DERA: variants seen among roughly 807,000 people sequenced by gnomAD.
DERA encodes the protein deoxyribose-phosphate aldolase.
In DERA, 15 loss-of-function variants were observed where a neutral mutation model predicts 41.1. The observed-to-expected ratio is 0.37, with a 90% CI of 0.24 to 0.56. The LOEUF (loss-of-function observed/expected upper bound fraction) is 0.56, where lower values mean the gene tolerates loss of function less well. Ranked by LOEUF, DERA falls within the 20% of genes least tolerant of loss-of-function variation. The pLI, the probability that DERA is intolerant of heterozygous loss-of-function variation, is 0.81. For missense variants in DERA, 396 were observed against 403.4 expected (o/e 0.98, Z 0.16); for synonymous variants, 139 against 137.4 (o/e 1.01, Z -0.08).
chr12:15,988,726 C>T lies in DERA; in HGVS notation c.637+6290C>T, dbSNP rs1948782212. Among the ~76,000 whole-genome samples, 1 of 152,094 alleles carries T rather than the reference C, an allele frequency of 6.6e-6. No individual in the cohort carries two copies. The highest frequency in any genetic ancestry group is 1.5e-5 in the Non-Finnish European group (1 of 68,004). On this transcript the variant is annotated intron_variant, in intron 6 of 8. Coordinates refer to ENST00000428559, the MANE Select transcript of DERA (RefSeq NM_015954.4). This position sits in a 1 kb window ranked among gnomAD's most constrained non-coding sequence, Gnocchi z 6.0. ...TCCCTGGCATGAAGGTGGGGCTTCA[C>T]CAGGGACCCATCCCTTCCTGCCTAG...
At position 16,013,545 on chromosome 12, in the gene DERA, A is replaced by G. The variant is rs1326174032; in HGVS notation, c.638-18997A>G. ...TAAGTTTCCTGAGGCCTCCCCAGCC[A>G]TGCTGAACTGTGAGTCAGTTAAACT... On this transcript the variant is annotated intron_variant, in intron 6 of 8. Transcript: ENST00000428559. The surrounding 1 kb of genome is among the most constrained non-coding windows in gnomAD (Gnocchi z 5.8). Among the ~76,000 whole-genome samples, 3 of 152,236 alleles carry G rather than the reference A, an allele frequency of 2.0e-5. No homozygotes were observed. Among genetic ancestry groups the G allele is most frequent in the African/African-American group, 7.2e-5 (3 of 41,466 alleles).
rs990755945 is a variant in DERA, at chr12:15,988,545, A to T, written c.637+6109A>T. Among the ~76,000 whole-genome samples, 1 of 152,184 alleles carries T rather than the reference A, an allele frequency of 6.6e-6. No individual in the cohort carries two copies. Among genetic ancestry groups the T allele is most frequent in the African/African-American group, 2.4e-5 (1 of 41,450 alleles). On this transcript the variant is annotated intron_variant, in intron 6 of 8. Coordinates refer to ENST00000428559, the MANE Select transcript of DERA (RefSeq NM_015954.4). This position sits in a 1 kb window ranked among gnomAD's most constrained non-coding sequence, Gnocchi z 6.0. ...CTGAGTCTGAGGTTTTTATATGCTC[A>T]GAATGAAGGAAGTGCATGCTGATTG... is the stretch of plus-strand genomic sequence containing the variant.
chr12:16,000,561 C>T lies in DERA; in HGVS notation c.637+18125C>T, dbSNP rs1477335580. ...TATGCTTTTTGTAAAAAATTTATCA[C>T]CAACTGGGGCATTGAAAGTAAGTTT... On this transcript the variant is annotated intron_variant, in intron 6 of 8. Coordinates refer to ENST00000428559, the MANE Select transcript of DERA (RefSeq NM_015954.4). This position sits in a 1 kb window ranked among gnomAD's most constrained non-coding sequence, Gnocchi z 4.8. Among the ~76,000 whole-genome samples, 1 of 152,114 alleles carries T rather than the reference C, an allele frequency of 6.6e-6. No individual in the cohort carries two copies. Among genetic ancestry groups the T allele is most frequent in the African/African-American group, 2.4e-5 (1 of 41,418 alleles).
chr12:15,946,865 T>G (rs942370389), intron 1 of DERA, among the ~76,000 whole-genome samples: 1 of 152,224 alleles, frequency 6.6e-6, no homozygotes, highest in Non-Finnish European at 1.5e-5. Context: ...GGGCATTTAG[T>G]GCTATAAATT....
intron 6 of DERA, among the ~76,000 whole-genome samples, chr12:16,030,438 A>T (rs1162038825): frequency 6.6e-6 from 1 of 151,662 alleles, no homozygotes; most frequent in African/African-American, 2.4e-5. Context: ...CTTCTTTTTG[A>T]TTGTCTCATT....
At chr12:15,964,221 C>T (rs891716710) in intron 5 of DERA, among the ~76,000 whole-genome samples, 1 of 152,226 alleles carries the variant, frequency 6.6e-6, no homozygotes, top group East Asian at 1.9e-4. Context: ...TCTCACACAA[C>T]ACCTTTGTTT....
intron 6 of DERA, among the ~76,000 whole-genome samples, chr12:15,991,053 A>C (rs935595147): frequency 1.3e-5 from 2 of 152,138 alleles, no homozygotes; most frequent in Non-Finnish European, 2.9e-5. Flanking sequence ...ATGATGGCTG[A>C]ACTAATTTAC....
At chr12:16,005,679 C>A (rs1045387483) in intron 6 of DERA, among the ~76,000 whole-genome samples, 1 of 152,116 alleles carries the variant, frequency 6.6e-6, no homozygotes, top group Admixed American at 6.5e-5. Context: ...AAAGACCCTG[C>A]AAGTTTACAA....
At position 15,959,309 on chromosome 12, in the gene DERA, T is replaced by C. The variant is rs1948565688; in HGVS notation, c.278-520T>C. Among the ~76,000 whole-genome samples, 1 of 152,244 alleles carries C rather than the reference T, an allele frequency of 6.6e-6. No homozygotes were observed. Among genetic ancestry groups the C allele is most frequent in the Non-Finnish European group, 1.5e-5 (1 of 68,042 alleles). ...TTTGAATTCTAAATTTTTTAAAATT[T>C]ATGAACTTATTTCTTAAAATCAGGG... On this transcript the variant is annotated intron_variant, in intron 3 of 8. Coordinates refer to ENST00000428559, the MANE Select transcript of DERA (RefSeq NM_015954.4). This position sits in a 1 kb window ranked among gnomAD's most constrained non-coding sequence, Gnocchi z 4.5.
chr12:15,991,678 C>G lies in DERA; in HGVS notation c.637+9242C>G, dbSNP rs530199613. Among the ~76,000 whole-genome samples the G allele has an allele frequency of 3.3e-5, 5 of 152,228 alleles. No homozygotes were observed. In the East Asian group the frequency reaches 9.6e-4, roughly 29 times the overall value. ...GTCATAATAGCTCAAGTTTTTTGAG[C>G]ATTTACTATGAGTTGGACAGTGTTT... is the stretch of plus-strand genomic sequence containing the variant. On this transcript the variant is annotated intron_variant, in intron 6 of 8. Transcript: ENST00000428559.
In DERA at chr12:15,911,462, C is replaced by T. The variant is rs1408125049; in HGVS notation, c.31+48C>T. ...CATCCCCTCTCCCTCGCGTTCAGCG[C>T]CGCCGGGACTAGCGCGGGGCCTGCT... On this transcript the variant is annotated intron_variant, in intron 1 of 8. Transcript: ENST00000428559. This position sits in a 1 kb window ranked among gnomAD's most constrained non-coding sequence, Gnocchi z 4.5. 7.1e-7 allele frequency: 1 copy of T among 1,404,794 alleles called. No homozygotes were observed. The highest frequency in any genetic ancestry group is 9.2e-7 in the Non-Finnish European group (1 of 1,082,522). The allele number at this position is 1,404,794 out of a possible 1,614,324, so 87.0% of individuals were successfully genotyped here.
At chr12:15,968,086 C>CT (rs368286741) in intron 5 of DERA, among the ~76,000 whole-genome samples, 35,656 of 141,818 alleles carry the variant, frequency 0.25, 4,743 homozygotes, top group Admixed American at 0.37. Flanking sequence ...TCTTCTTCTT[C>CT]TTTTTTTTTT....
In DERA at chr12:15,996,819, T is replaced by C. The variant is rs997219954; in HGVS notation, c.637+14383T>C. 2.0e-5 allele frequency among the ~76,000 whole-genome samples: 3 copies of C among 152,218 alleles called. No homozygotes were observed. The highest frequency in any genetic ancestry group is 4.8e-5 in the African/African-American group (2 of 41,454). On this transcript the variant is annotated intron_variant, in intron 6 of 8. Transcript: ENST00000428559. This position sits in a 1 kb window ranked among gnomAD's most constrained non-coding sequence, Gnocchi z 4.7. ...CAAACTTGAATTCAGGTACAAAAGA[T>C]TGATTTTTCCCTCTCAGCAATGTTG...
intron 6 of DERA, among the ~76,000 whole-genome samples, chr12:16,006,281 C>T (rs1948910282): frequency 1.3e-5 from 2 of 152,082 alleles, no homozygotes. Context: ...AAACCAGAAA[C>T]CAAGAAAAGA....
Position 16,011,516 on chromosome 12 carries a change from A to T in DERA, c.638-21026A>T, listed in dbSNP as rs1371830378. Reference sequence around the variant, plus strand: ...AGCATTTCAGACGTTCAGATTTGGGATGCTCTACTTGTACCTTGCTTGTAT... The same window carrying T: ...AGCATTTCAGACGTTCAGATTTGGGTTGCTCTACTTGTACCTTGCTTGTAT... On this transcript the variant is annotated intron_variant, in intron 6 of 8. Coordinates refer to ENST00000428559, the MANE Select transcript of DERA (RefSeq NM_015954.4). The surrounding 1 kb of genome is among the most constrained non-coding windows in gnomAD (Gnocchi z 4.7). Among the ~76,000 whole-genome samples the T allele has an allele frequency of 6.6e-6, 1 of 152,138 alleles. No homozygotes were observed. Among genetic ancestry groups the T allele is most frequent in the African/African-American group, 2.4e-5 (1 of 41,438 alleles).
rs1247972586 is a variant in DERA, at chr12:15,996,306, G to A, written c.637+13870G>A. ...CGCTGTAACAGAGTACCGCAAATTAGATGGCCTTAAGCAACAGAAATGTGT... is the reference window on the plus strand; with the variant it reads ...CGCTGTAACAGAGTACCGCAAATTAAATGGCCTTAAGCAACAGAAATGTGT... On this transcript the variant is annotated intron_variant, in intron 6 of 8. Coordinates refer to ENST00000428559, the MANE Select transcript of DERA (RefSeq NM_015954.4). This position sits in a 1 kb window ranked among gnomAD's most constrained non-coding sequence, Gnocchi z 4.7. 3.9e-5 allele frequency among the ~76,000 whole-genome samples: 6 copies of A among 152,056 alleles called. No individual in the cohort carries two copies. The highest frequency in any genetic ancestry group is 4.4e-5 in the Non-Finnish European group (3 of 68,012).
Position 15,984,118 on chromosome 12 carries a change from T to C in DERA, c.637+1682T>C, listed in dbSNP as rs932619350. Among the ~76,000 whole-genome samples, 1 of 152,208 alleles carries C rather than the reference T, an allele frequency of 6.6e-6. No individual in the cohort carries two copies. Among genetic ancestry groups the C allele is most frequent in the Non-Finnish European group, 1.5e-5 (1 of 68,022 alleles). ...CAGCAGCCACTTATAGGACATACTT[T>C]GTGGTAGCCACGCTGTTGGTTGTGC... On this transcript the variant is annotated intron_variant, in intron 6 of 8. Coordinates refer to ENST00000428559, the MANE Select transcript of DERA (RefSeq NM_015954.4). This position sits in a 1 kb window ranked among gnomAD's most constrained non-coding sequence, Gnocchi z 4.5.
intron 1 of DERA, among the ~76,000 whole-genome samples, chr12:15,942,279 A>G (rs1948414268): frequency 6.6e-6 from 1 of 152,154 alleles, no homozygotes; most frequent in South Asian, 2.1e-4. Context: ...TGTCGGATGC[A>G]TAGTTTGCGA....
intron 6 of DERA, among the ~76,000 whole-genome samples, chr12:16,027,749 G>A (rs1204671541): frequency 6.6e-6 from 1 of 152,110 alleles, no homozygotes. Context: ...GTGATCCCTT[G>A]TTACAACAAC....
Sources: gnomAD v4.1 joint callset for allele counts (sites outside exome capture counted in the v4.1 genomes callset) on GRCh38, gnomAD v4.1.1 for gene constraint, Gnocchi (gnomAD v3.1) non-coding constraint, MANE v1.5 for transcripts, NCBI Gene and HGNC (gene_info 2026-07-23, HGNC 2026-07-21) for gene names.